MREG: variants seen among roughly 807,000 people sequenced by gnomAD.
The protein encoded by MREG is dilute suppressor protein homolog.
MREG carries 31 observed loss-of-function variants against 28.5 expected under a neutral mutation model. The observed-to-expected ratio is 1.09, with a 90% CI of 0.82 to 1.47. The LOEUF (loss-of-function observed/expected upper bound fraction) is 1.47. Ranked by LOEUF, MREG falls within the 40% of genes most tolerant of loss-of-function variation. The pLI is 0.00. For synonymous variants in MREG, 106 were observed against 95.2 expected (o/e 1.11, Z -0.66); for missense variants, 256 against 257.4 (o/e 0.99, Z 0.04).
At chr2:215,994,096 T>A (rs894427994) in intron 2 of MREG, among the ~76,000 whole-genome samples, 1 of 151,852 alleles carries the variant, frequency 6.6e-6, no homozygotes, top group African/African-American at 2.4e-5. Flanking sequence ...CATTCTACTA[T>A]AAAGGCACAT....
At chr2:216,006,780 T>C (rs900563661) in intron 1 of MREG, among the ~76,000 whole-genome samples, 1 of 152,234 alleles carries the variant, frequency 6.6e-6, no homozygotes, top group Non-Finnish European at 1.5e-5. Context: ...ACCCTACAAA[T>C]GTAAAAGATT....
chr2:215,945,634 C>T lies in MREG; in HGVS notation c.447G>A (p.Leu149=). 1 of 1,613,980 alleles carries T rather than the reference C, an allele frequency of 6.2e-7. No homozygotes were observed. ...TRKAREMLLK[L]AEETNIFPTS... is the part of the protein sequence containing the mutation. ...TTGGGAAAATATTGGTTTCTTCAGC[C>T]AGTTTTAACAACATCTCTCGAGCTT... Residue 149 remains leucine (L), a synonymous_variant, in exon 4 of 5, where the codon CTG becomes CTA. Coordinates refer to ENST00000263268, the MANE Select transcript of MREG (RefSeq NM_018000.3).
chr2:215,945,010 A>G lies in MREG; in HGVS notation c.511-13T>C. 6.4e-7 allele frequency: 1 copy of G among 1,557,604 alleles called. No individual in the cohort carries two copies. The highest frequency in any genetic ancestry group is 1.2e-5 in the South Asian group (1 of 84,828). ...CAATGAGACGGTCCTGCAAAAACAA[A>G]CAACAAACCAAAAAACTGCTGGCAA... On this transcript the variant is annotated splice_polypyrimidine_tract_variant and intron_variant, in intron 4 of 4. Transcript: ENST00000263268.
intron 1 of MREG, among the ~76,000 whole-genome samples, chr2:216,001,458 G>C (rs1694011341): frequency 6.6e-6 from 1 of 152,162 alleles, no homozygotes; most frequent in East Asian, 1.9e-4. Flanking sequence ...TTCTCTGCGA[G>C]CTCCTGGGCC....
At chr2:215,980,728 C>T (rs530704308) in intron 2 of MREG, among the ~76,000 whole-genome samples, 21 of 152,224 alleles carry the variant, frequency 1.4e-4, no homozygotes, top group South Asian at 1.2e-3. Flanking sequence ...AGGAGAATCA[C>T]TTGAACCCAG....
At chr2:215,954,711 T>A (rs76980415) in intron 2 of MREG, among the ~76,000 whole-genome samples, 1,864 of 152,210 alleles carry the variant, frequency 0.012, 31 homozygotes, top group African/African-American at 0.039. Flanking sequence ...ATTTTATTTT[T>A]TTTTTTTTAG....
chr2:215,980,122 A>T (rs1366752349), intron 2 of MREG, among the ~76,000 whole-genome samples: 2 of 151,614 alleles, frequency 1.3e-5, no homozygotes, highest in East Asian at 3.9e-4. Context: ...AGGTGCAGCA[A>T]TGCGTTGCTG....
Position 215,949,065 on chromosome 2 carries a change from ACT to A in MREG, c.256-1954_256-1953del, listed in dbSNP as rs1559173431. 6.2e-3 allele frequency among the ~76,000 whole-genome samples: 886 copies of A among 142,256 alleles called. 13 individuals carry two copies. The highest frequency in any genetic ancestry group is 0.011 in the Middle Eastern group (3 of 276). The allele number at this position is 142,256 out of a possible 152,430, so 93.3% of individuals were successfully genotyped here. On this transcript the variant is annotated intron_variant, in intron 2 of 4. Transcript: ENST00000263268. The stretch of plus-strand genomic sequence containing the variant: ...TACTACTACTACTACTACTACTACT[ACT>A]ACTACTACTACTACTACTACTAATA...
At chr2:215,990,321 C>A (rs1486539981) in intron 2 of MREG, among the ~76,000 whole-genome samples, 1 of 152,124 alleles carries the variant, frequency 6.6e-6, no homozygotes, top group East Asian at 1.9e-4. Flanking sequence ...AAGAGAAATA[C>A]AACCCTGTAC....
chr2:215,954,828 T>C (rs1189554143), intron 2 of MREG, among the ~76,000 whole-genome samples: 1 of 151,984 alleles, frequency 6.6e-6, no homozygotes, highest in Non-Finnish European at 1.5e-5. Context: ...CTCAGCCTCC[T>C]GAGTAGCTGG....
chr2:215,950,458 T>C (rs1445769437), intron 2 of MREG, among the ~76,000 whole-genome samples: 1 of 152,190 alleles, frequency 6.6e-6, no homozygotes, highest in Non-Finnish European at 1.5e-5. Flanking sequence ...CAATATGAGA[T>C]TAAAGATCTG....
Position 215,980,125 on chromosome 2 carries a change from C to T in MREG, c.255+16181G>A, listed in dbSNP as rs569573985. On this transcript the variant is annotated intron_variant, in intron 2 of 4. Transcript: ENST00000263268. ...CAGGAAATGCAGAGGTGCAGCAATG[C>T]GTTGCTGTGACAGCAAGGTTCTGGA... 5.9e-5 allele frequency among the ~76,000 whole-genome samples: 9 copies of T among 151,720 alleles called. No individual in the cohort carries two copies. The East Asian group carries it at 1.4e-3, about 23-fold the overall frequency.
At chr2:216,002,098 C>T (rs996120087) in intron 1 of MREG, among the ~76,000 whole-genome samples, 3 of 152,124 alleles carry the variant, frequency 2.0e-5, no homozygotes, top group African/African-American at 7.2e-5. Context: ...TTTCCCCTGG[C>T]CACCACCTGC....
At chr2:215,982,778 TC>T in intron 2 of MREG, among the ~76,000 whole-genome samples, 1 of 152,184 alleles carries the variant, frequency 6.6e-6, no homozygotes. Context: ...ATCCCAATGC[TC>T]CCAGTCACTT....
chr2:215,979,425 T>C (rs966102954), intron 2 of MREG, among the ~76,000 whole-genome samples: 7 of 149,406 alleles, frequency 4.7e-5, no homozygotes, highest in African/African-American at 1.5e-4. Flanking sequence ...ATCGCGCCAC[T>C]GCAGTCCAGC....
chr2:215,976,717 C>G (rs1426725218), intron 2 of MREG, among the ~76,000 whole-genome samples: 1 of 152,050 alleles, frequency 6.6e-6, no homozygotes, highest in East Asian at 1.9e-4. Context: ...AGAGTGGGGG[C>G]CAATATTCAA....
chr2:216,026,365 ATTTATTTAT>A (rs899988999), intron 1 of MREG, among the ~76,000 whole-genome samples: 5 of 146,410 alleles, frequency 3.4e-5, no homozygotes, highest in African/African-American at 7.8e-5. Flanking sequence ...TTATTTATTT[ATTTATTTAT>A]TTATTTTTGG....
chr2:215,954,999 G>A (rs1341293268), intron 2 of MREG, among the ~76,000 whole-genome samples: 2 of 152,108 alleles, frequency 1.3e-5, no homozygotes, highest in African/African-American at 2.4e-5. Flanking sequence ...CACCTCACCT[G>A]GCCACATTCA....
intron 2 of MREG, among the ~76,000 whole-genome samples, chr2:215,970,375 T>C (rs1046167842): frequency 3.3e-5 from 5 of 152,180 alleles, no homozygotes; most frequent in African/African-American, 1.2e-4. Flanking sequence ...TTCTGTTGTT[T>C]AAGCCACCCA....
Sources: gnomAD v4.1 joint callset for allele counts (sites outside exome capture counted in the v4.1 genomes callset) on GRCh38, gnomAD v4.1.1 for gene constraint, MANE v1.5 for transcripts, NCBI Gene and HGNC (gene_info 2026-07-23, HGNC 2026-07-21) for gene names.